MTR: variants seen among roughly 807,000 people sequenced by gnomAD.
MTR encodes methionine synthase.
MTR carries 84 observed loss-of-function variants against 154.8 expected under a neutral mutation model. The ratio of observed to expected loss-of-function variants is 0.54; its 90% CI spans 0.45 to 0.65. MTR has a LOEUF of 0.65. MTR is among the 30% of genes least tolerant of loss of function. The pLI is 0.00. For synonymous variants in MTR, 554 were observed against 553.9 expected (o/e 1.00, Z 0.00); for missense variants, 1,275 against 1,570.2 (o/e 0.81, Z 3.18).
At chr1:236,840,463 C>T (rs562227183) in intron 15 of MTR, among the ~76,000 whole-genome samples, 1 of 152,080 alleles carries the variant, frequency 6.6e-6, no homozygotes, top group Non-Finnish European at 1.5e-5. Flanking sequence ...GCTAAATGGT[C>T]GAGTGAAGAG....
chr1:236,852,489 G>A, intron 16 of MTR, 32 bp from the exon 17 acceptor site: 1 of 1,536,084 alleles, frequency 6.5e-7, no homozygotes, highest in Non-Finnish European at 9.0e-7. Context: ...GCAAAAAAGG[G>A]GAATCTTTTC....
At chr1:236,833,700 G>A (rs192367352) in intron 13 of MTR, among the ~76,000 whole-genome samples, 1 of 152,332 alleles carries the variant, frequency 6.6e-6, no homozygotes, top group African/African-American at 2.4e-5. Flanking sequence ...TGACCTGAAA[G>A]AAGTTCCAGT....
chr1:236,811,165 A>AG (rs1434212870), intron 5 of MTR, among the ~76,000 whole-genome samples: 1 of 152,170 alleles, frequency 6.6e-6, no homozygotes, highest in African/African-American at 2.4e-5. Flanking sequence ...AAGCTTGTAC[A>AG]GGGAAACTCC....
intron 15 of MTR, among the ~76,000 whole-genome samples, chr1:236,848,905 A>G (rs962134728): frequency 1.3e-5 from 2 of 152,236 alleles, no homozygotes; most frequent in Admixed American, 6.5e-5. Context: ...CTAGGGCCTC[A>G]CTAGATGCAC....
chr1:236,859,751 T>C, intron 18 of MTR, 82 bp from the exon 19 acceptor site: 1 of 1,045,524 alleles, frequency 9.6e-7, no homozygotes, highest in East Asian at 2.5e-5. Context: ...CACAGGTTTT[T>C]TTGTTTGTTT....
chr1:236,863,090 C>G (rs1395520355), intron 21 of MTR, among the ~76,000 whole-genome samples: 1 of 152,178 alleles, frequency 6.6e-6, no homozygotes, highest in Non-Finnish European at 1.5e-5. Flanking sequence ...CATACACATA[C>G]AGTTAACCTG....
At chr1:236,811,794 T>G (rs1661319969) in intron 5 of MTR, 1 of 419,518 alleles carries the variant, frequency 2.4e-6, no homozygotes, top group Non-Finnish European at 4.8e-6. Flanking sequence ...TGTCATTTCC[T>G]TCAACAGAAT....
chr1:236,851,361 C>T lies in MTR; in HGVS notation c.1695+838C>T, dbSNP rs1273884525. On this transcript the variant is annotated intron_variant, in intron 16 of 32. Transcript: ENST00000366577. Reference sequence around the variant, plus strand: ...GTGAGGTCACTTTTTAAAATGGCCCCATACTAGTGCTGTCTAGTGTTCTAA... The same window carrying T: ...GTGAGGTCACTTTTTAAAATGGCCCTATACTAGTGCTGTCTAGTGTTCTAA... Among the ~76,000 whole-genome samples the T allele has an allele frequency of 2.0e-5, 3 of 152,174 alleles. No individual in the cohort carries two copies. In the South Asian group the frequency reaches 6.2e-4, roughly 32 times the overall value.
At position 236,897,061 on chromosome 1, in the gene MTR, C is replaced by G; in HGVS notation, c.3654C>G (p.Leu1218=). The change falls in exon 32 of 33, where the codon CTC becomes CTG. Residue 1218 remains leucine (L), a synonymous_variant. Coordinates refer to ENST00000366577, the MANE Select transcript of MTR (RefSeq NM_000254.3). ...AMAPASAVSG[L]YFSNLKSKYF... ...CACCTGCTTCAGCAGTCTCAGGCCT[C>G]TACTTCTCCAATTTGAAGTCCAAAT... is the stretch of plus-strand genomic sequence containing the variant. 1.2e-6 allele frequency: 2 copies of G among 1,614,180 alleles called. No homozygotes were observed. The highest frequency in any genetic ancestry group is 4.5e-5 in the East Asian group (2 of 44,880).
rs957035403 is a variant in MTR, at chr1:236,897,013, G to C, written c.3606G>C (p.Arg1202Ser). ...LADIEQSTGI[R>S]LTESLAMAPA... ...CTGTGTTGCTCCCTCTAGGCATTAGGTTAACAGAATCATTAGCAATGGCAC... is the reference window on the plus strand; with the variant it reads ...CTGTGTTGCTCCCTCTAGGCATTAGCTTAACAGAATCATTAGCAATGGCAC... The change falls in exon 32 of 33, where the codon AGG becomes AGC. Residue 1202 changes from arginine (R) to serine (S), a missense_variant. Arg to Ser is a moderately radical substitution (Grantham distance 110, BLOSUM62 -1). Coordinates refer to ENST00000366577, the MANE Select transcript of MTR (RefSeq NM_000254.3). 4 of 1,613,148 alleles carry C rather than the reference G, an allele frequency of 2.5e-6. No homozygotes were observed. The highest frequency in any genetic ancestry group is 8.5e-7 in the Non-Finnish European group (1 of 1,179,228).
chr1:236,796,130 A>G (rs955950540), intron 1 of MTR, among the ~76,000 whole-genome samples: 2 of 152,202 alleles, frequency 1.3e-5, no homozygotes, highest in African/African-American at 4.8e-5. Context: ...TGCGAAAGAA[A>G]GTTCAGGCGC....
In MTR at chr1:236,899,677, A is replaced by T. The variant is rs1666836467; in HGVS notation, c.*2033A>T. On this transcript the variant is annotated 3_prime_UTR_variant, in exon 33 of 33. Coordinates refer to ENST00000366577, the MANE Select transcript of MTR (RefSeq NM_000254.3). The stretch of plus-strand genomic sequence containing the variant: ...TAAAACTCAAGGCTTATATTAAGCA[A>T]ACACTTGAAGTGAGAAGATGATCCA... 6.6e-6 allele frequency: 1 copy of T among 152,252 alleles called. No homozygotes were observed. Among genetic ancestry groups the T allele is most frequent in the African/African-American group, 2.4e-5 (1 of 41,470 alleles). 9.4% of individuals were successfully genotyped at this position (152,252 alleles called of 1,614,324 possible).
intron 15 of MTR, among the ~76,000 whole-genome samples, chr1:236,845,316 T>C (rs116295293): frequency 6.6e-4 from 101 of 152,358 alleles, no homozygotes; most frequent in African/African-American, 2.4e-3. Context: ...AACTTGCTAG[T>C]TATGAAAGAT....
In MTR at chr1:236,826,922, T is replaced by C. The variant is rs201748881; in HGVS notation, c.995+26T>C. ...GTAATAATCACCTATAGACAATATA[T>C]CTAAAACCAAGTGGATAATCAGGTA... On this transcript the variant is annotated intron_variant, in intron 11 of 32. Transcript: ENST00000366577. The C allele has an allele frequency of 3.2e-4, 502 of 1,589,514 alleles. 3 individuals are homozygous for C. In the East Asian group the frequency reaches 8.9e-3, roughly 28 times the overall value.
At position 236,897,851 on chromosome 1, in the gene MTR, C is replaced by A. The variant is rs1248614944; in HGVS notation, c.*207C>A. ...GAAAACAGGCGCTGTTTTTTTGGGACCTTGCGTGAAGAGCAGTGAGCAGGG... is the reference window on the plus strand; with the variant it reads ...GAAAACAGGCGCTGTTTTTTTGGGAACTTGCGTGAAGAGCAGTGAGCAGGG... On this transcript the variant is annotated 3_prime_UTR_variant, in exon 33 of 33. Coordinates refer to ENST00000366577, the MANE Select transcript of MTR (RefSeq NM_000254.3). 1.7e-6 allele frequency: 1 copy of A among 590,678 alleles called. No individual in the cohort carries two copies. Among genetic ancestry groups the A allele is most frequent in the Non-Finnish European group, 3.0e-6 (1 of 335,984 alleles). 36.6% of individuals were successfully genotyped at this position (590,678 alleles called of 1,614,324 possible).
At chr1:236,868,112 T>C (rs1406484505) in intron 22 of MTR, among the ~76,000 whole-genome samples, 2 of 152,162 alleles carry the variant, frequency 1.3e-5, no homozygotes, top group East Asian at 3.9e-4. Flanking sequence ...TTAGATTCAA[T>C]TGGTGTGGGA....
chr1:236,885,066 T>C, intron 25 of MTR, 55 bp from the exon 26 acceptor site: 1 of 1,101,514 alleles, frequency 9.1e-7, no homozygotes, highest in Non-Finnish European at 1.4e-6. Context: ...GCATTGACCA[T>C]TACTACACCA....
rs143121909 is a variant in MTR, at chr1:236,903,401, C to T, written c.*5757C>T. On this transcript the variant is annotated 3_prime_UTR_variant, in exon 33 of 33. Coordinates refer to ENST00000366577, the MANE Select transcript of MTR (RefSeq NM_000254.3). ...AGTAACCCCTAAACTCAGCCAGTCC[C>T]ATGTTTTTTTAACACTTGGAATATC... is the stretch of plus-strand genomic sequence containing the variant. 21 of 152,258 alleles carry T rather than the reference C, an allele frequency of 1.4e-4. No individual in the cohort carries two copies. The East Asian group carries it at 3.1e-3, about 22-fold the overall frequency. The allele number at this position is 152,258 out of a possible 1,614,324, so 9.4% of individuals were successfully genotyped here.
Position 236,810,529 on chromosome 1 carries a change from C to T in MTR, c.436C>T (p.Leu146=). ...AATTAAGAGGTTTGTGGCAGGGGCTCTGGGTCCGACTAATAAGACACTCTC... is the reference window on the plus strand; with the variant it reads ...AATTAAGAGGTTTGTGGCAGGGGCTTTGGGTCCGACTAATAAGACACTCTC... ...TGIKRFVAGA[L]GPTNKTLSVS... Residue 146 remains leucine (L), a synonymous_variant, in exon 5 of 33, where the codon CTG becomes TTG. Transcript: ENST00000366577. 1 of 1,613,874 alleles carries T rather than the reference C, an allele frequency of 6.2e-7. No individual in the cohort carries two copies. The highest frequency in any genetic ancestry group is 8.5e-7 in the Non-Finnish European group (1 of 1,179,824).
Sources: allele counts gnomAD v4.1 joint callset (sites outside exome capture counted in the v4.1 genomes callset), GRCh38; gene constraint gnomAD v4.1.1; transcripts MANE v1.5; gene names NCBI Gene and HGNC (gene_info 2026-07-23, HGNC 2026-07-21).